The following PLAG1 variants were observed in gnomAD, a reference collection of about 807,000 sequenced individuals.
PLAG1 encodes the protein zinc finger protein PLAG1.
Under a neutral mutation model 35.5 loss-of-function variants are expected in PLAG1, and 7 were observed. The observed-to-expected ratio is 0.20, with a 90% CI of 0.11 to 0.37. PLAG1 has a LOEUF of 0.37. PLAG1 is among the 10% of genes least tolerant of loss of function. The probability of loss-of-function intolerance (pLI) is 1.00; values close to 1 mark genes in which losing one functional copy is unlikely to be tolerated. For missense variants in PLAG1, 454 were observed against 602.8 expected, an observed-to-expected ratio of 0.75 and a Z score of 2.58; for synonymous variants, 229 against 225.4, an observed-to-expected ratio of 1.02 and a Z score of -0.14.
intron 2 of PLAG1, among the ~76,000 whole-genome samples, chr8:56,172,269 T>C (rs1811552180): frequency 6.6e-6 from 1 of 152,160 alleles, no homozygotes; most frequent in Admixed American, 6.5e-5. Context: ...ATTATAAAAA[T>C]GCCAAGGGTA....
chr8:56,166,380 G>A lies in PLAG1; in HGVS notation c.1366C>T (p.Leu456Phe). 6.2e-7 allele frequency: 1 copy of A among 1,613,922 alleles called. No individual in the cohort carries two copies. The highest frequency in any genetic ancestry group is 8.5e-7 in the Non-Finnish European group (1 of 1,179,878). The part of the protein sequence containing the change: ...QEEAHSSVSQ[L>F]PPQTQDLQDP... ...TGAAGATCCTGTGTTTGTGGGGGGA[G>A]CTGGGAAACAGAAGAATGTGCTTCT... Residue 456 changes from leucine to phenylalanine, a missense_variant, in exon 5 of 5, where the codon CTC (leucine) becomes TTC (phenylalanine). Leu to Phe is a conservative substitution (Grantham distance 22). Coordinates refer to ENST00000316981, the MANE Select transcript of PLAG1 (RefSeq NM_002655.3).
rs983143751 is a variant in PLAG1, at chr8:56,162,498, A to G, written c.*3745T>C. 4.6e-6 allele frequency: 1 copy of G among 215,866 alleles called. No homozygotes were observed. Among genetic ancestry groups the G allele is most frequent in the East Asian group, 7.0e-5 (1 of 14,334 alleles). The allele number at this position is 215,866 out of a possible 1,614,324, so 13.4% of individuals were successfully genotyped here. On this transcript the variant is annotated 3_prime_UTR_variant, in exon 5 of 5. Coordinates refer to ENST00000316981, the MANE Select transcript of PLAG1 (RefSeq NM_002655.3). ...CTACCATTTTTGTACACAAAGCATTATATATCAAAGGCCTACATATATATC... is the reference window on the plus strand; with the variant it reads ...CTACCATTTTTGTACACAAAGCATTGTATATCAAAGGCCTACATATATATC...
intron 1 of PLAG1, among the ~76,000 whole-genome samples, chr8:56,182,068 G>C (rs552714457): frequency 8.5e-5 from 13 of 152,310 alleles, no homozygotes; most frequent in African/African-American, 3.1e-4. Flanking sequence ...TACGGATTCA[G>C]ATGAGAAAAG....
At chr8:56,171,803 T>C (rs1464372598) in intron 2 of PLAG1, among the ~76,000 whole-genome samples, 1 of 152,256 alleles carries the variant, frequency 6.6e-6, no homozygotes, top group African/African-American at 2.4e-5. Flanking sequence ...AATATAGATT[T>C]GCTACAGAAG....
At chr8:56,189,499 T>G (rs1052413155) in intron 1 of PLAG1, among the ~76,000 whole-genome samples, 10 of 152,214 alleles carry the variant, frequency 6.6e-5, no homozygotes, top group Admixed American at 6.5e-4. Context: ...ATCATTTAAT[T>G]TAACTATCAA....
Position 56,167,358 on chromosome 8 carries a change from A to G in PLAG1, c.388T>C (p.Tyr130His). The change falls in exon 5 of 5, where the codon TAC becomes CAC. Residue 130 changes from tyrosine to histidine, a missense_variant. Transcript: ENST00000316981. This position sits in a 1 kb window ranked among gnomAD's most constrained non-coding sequence, Gnocchi z 5.9. The stretch of plus-strand genomic sequence containing the variant: ...CGTTTAAATCCAAGCTTGGTATTGT[A>G]GTTCTTGCCACATTCTTCGCACTTA... ...TFKCEECGKN[Y>H]NTKLGFKRHL... 1 of 1,614,022 alleles carries G rather than the reference A, an allele frequency of 6.2e-7. No individual in the cohort carries two copies. The highest frequency in any genetic ancestry group is 2.2e-5 in the East Asian group (1 of 44,890).
chr8:56,194,222 C>A (rs753345336), intron 1 of PLAG1, among the ~76,000 whole-genome samples: 1 of 145,214 alleles, frequency 6.9e-6, no homozygotes, highest in Non-Finnish European at 1.5e-5. Context: ...GAGGCTGAGG[C>A]AAGAGAATCA....
chr8:56,170,573 A>G (rs1348809724), intron 3 of PLAG1, among the ~76,000 whole-genome samples: 1 of 152,244 alleles, frequency 6.6e-6, no homozygotes, highest in Non-Finnish European at 1.5e-5. Context: ...CAATTGCAGA[A>G]TCTACATGGA....
At chr8:56,176,048 T>TTTC (rs957093799) in intron 2 of PLAG1, among the ~76,000 whole-genome samples, 9 of 145,776 alleles carry the variant, frequency 6.2e-5, no homozygotes, top group Non-Finnish European at 1.2e-4. Context: ...TTCCTTTTCT[T>TTTC]TTTTTTTTTT....
At chr8:56,204,354 A>C (rs1812640713) in intron 1 of PLAG1, among the ~76,000 whole-genome samples, 1 of 151,936 alleles carries the variant, frequency 6.6e-6, no homozygotes, top group South Asian at 2.1e-4. Flanking sequence ...TGGTAGACTA[A>C]AATCCAACCG....
intron 3 of PLAG1, 115 bp from the exon 4 acceptor site, chr8:56,168,501 G>A (rs755804873): frequency 1.1e-5 from 4 of 378,152 alleles, no homozygotes; most frequent in Non-Finnish European, 1.4e-5. Flanking sequence ...GATTCAGCTG[G>A]TCTAATGTAA....
intron 1 of PLAG1, 148 bp from the exon 2 acceptor site, chr8:56,179,661 T>G (rs1811807767): frequency 6.6e-6 from 1 of 152,462 alleles, no homozygotes. Flanking sequence ...CTGTTAAAAA[T>G]GTATAGTACA....
chr8:56,201,492 A>G (rs1042441742), intron 1 of PLAG1, among the ~76,000 whole-genome samples: 2 of 152,198 alleles, frequency 1.3e-5, no homozygotes, highest in African/African-American at 4.8e-5. Flanking sequence ...CTTAAAGATA[A>G]GTTGACATTT....
intron 1 of PLAG1, among the ~76,000 whole-genome samples, chr8:56,204,796 G>GGGCT (rs1812652333): frequency 1.3e-5 from 2 of 151,600 alleles, no homozygotes; most frequent in Non-Finnish European, 3.0e-5. Flanking sequence ...GGCTAAAAGG[G>GGGCT]GGCTCTCATT....
intron 1 of PLAG1, among the ~76,000 whole-genome samples, chr8:56,195,934 G>A (rs1447425133): frequency 6.6e-6 from 1 of 152,156 alleles, no homozygotes; most frequent in Admixed American, 6.5e-5. Flanking sequence ...GGTGAGCAGT[G>A]ATATCAAGAT....
intron 1 of PLAG1, among the ~76,000 whole-genome samples, chr8:56,186,530 C>T (rs1233222297): frequency 1.3e-5 from 2 of 151,770 alleles, no homozygotes; most frequent in Admixed American, 1.3e-4. Context: ...TGTCACCACG[C>T]CCAACTAATT....
At chr8:56,208,146 T>C (rs1026643199) in intron 1 of PLAG1, among the ~76,000 whole-genome samples, 2 of 152,256 alleles carry the variant, frequency 1.3e-5, no homozygotes, top group Admixed American at 6.5e-5. Context: ...GATCTAAGTC[T>C]CATTTATTTT....
At position 56,163,140 on chromosome 8, in the gene PLAG1, T is replaced by G. The variant is rs2129223357; in HGVS notation, c.*3103A>C. ...CCTAACTTGTACATACATGTGGAAG[T>G]GAAACTGAATGAGGTTCAATATCTT... On this transcript the variant is annotated 3_prime_UTR_variant, in exon 5 of 5. Transcript: ENST00000316981. 4.9e-6 allele frequency: 1 copy of G among 206,084 alleles called. No homozygotes were observed. Among genetic ancestry groups the G allele is most frequent in the East Asian group, 7.3e-5 (1 of 13,718 alleles). The allele number at this position is 206,084 out of a possible 1,614,324, so 12.8% of individuals were successfully genotyped here. A position where few individuals can be genotyped will look rare whatever the true frequency, so the allele number is the denominator to read the frequency against.
chr8:56,163,103 C>T lies in PLAG1; in HGVS notation c.*3140G>A, dbSNP rs535017497. 74 of 208,764 alleles carry T rather than the reference C, an allele frequency of 3.5e-4. No homozygotes were observed. The highest frequency in any genetic ancestry group is 6.0e-4 in the Non-Finnish European group (61 of 102,252). The allele number at this position is 208,764 out of a possible 1,614,324, so 12.9% of individuals were successfully genotyped here. A position where few individuals can be genotyped will look rare whatever the true frequency, so the allele number is the denominator to read the frequency against. On this transcript the variant is annotated 3_prime_UTR_variant, in exon 5 of 5. Coordinates refer to ENST00000316981, the MANE Select transcript of PLAG1 (RefSeq NM_002655.3). ...CAAGATCCTTCCACACTCACACTTC[C>T]GTGTTTGGTGACCTAACTTGTACAT...
Sources: allele counts gnomAD v4.1 joint callset (sites outside exome capture counted in the v4.1 genomes callset), GRCh38; gene constraint gnomAD v4.1.1; non-coding constraint Gnocchi (gnomAD v3.1); transcripts MANE v1.5; gene names NCBI Gene and HGNC (gene_info 2026-07-23, HGNC 2026-07-21).